The following DAP variants were observed in gnomAD, a reference collection of about 807,000 sequenced individuals.
DAP encodes the protein death-associated protein 1.
In DAP, 8 loss-of-function variants were observed where a neutral mutation model predicts 13.8. The observed-to-expected ratio is 0.58, with a 90% CI of 0.34 to 1.05. DAP has a LOEUF of 1.05. Ranked by LOEUF, DAP falls within the 50% of genes least tolerant of loss-of-function variation. DAP has a pLI of 0.03. For missense variants in DAP, 106 were observed against 133.2 expected (o/e 0.80, Z 1.01); for synonymous variants, 47 against 47.5 (o/e 0.99, Z 0.04).
intron 1 of DAP, among the ~76,000 whole-genome samples, chr5:10,757,512 G>A (rs748250615): frequency 1.1e-4 from 16 of 152,170 alleles, no homozygotes; most frequent in South Asian, 2.1e-4. Context: ...GAGCTCAGGT[G>A]CTCTCCCCAC....
chr5:10,731,445 T>C (rs956463717), intron 2 of DAP, among the ~76,000 whole-genome samples: 1 of 152,206 alleles, frequency 6.6e-6, no homozygotes, highest in Non-Finnish European at 1.5e-5. Flanking sequence ...TCCCGAGCCC[T>C]GTGTGAGGGT....
chr5:10,744,081 GTC>G lies in DAP; in HGVS notation c.152+4092_152+4093del, dbSNP rs1333599852. On this transcript the variant is annotated intron_variant, in intron 2 of 3. Transcript: ENST00000230895. The stretch of plus-strand genomic sequence containing the variant: ...CAGTAACATCTTTAATCTTCCACTT[GTC>G]CCTTTTCTCTGTAATCAGTACTTGA... 7.2e-4 allele frequency among the ~76,000 whole-genome samples: 109 copies of G among 152,032 alleles called. 1 individual carries two copies. Among genetic ancestry groups the G allele is most frequent in the Non-Finnish European group, 1.1e-3 (73 of 67,978 alleles).
At chr5:10,703,026 C>T (rs7713175) in intron 2 of DAP, among the ~76,000 whole-genome samples, 6 of 152,176 alleles carry the variant, frequency 3.9e-5, no homozygotes, top group African/African-American at 9.7e-5. Flanking sequence ...TTTCAACTTT[C>T]GTCTCCTTAC....
intron 2 of DAP, among the ~76,000 whole-genome samples, chr5:10,693,050 A>G (rs921246681): frequency 6.6e-6 from 1 of 152,162 alleles, no homozygotes; most frequent in East Asian, 1.9e-4. Flanking sequence ...TTCCTTCCCA[A>G]GCATCCTGGT....
rs1352342122 is a variant in DAP, at chr5:10,761,167, G to A, written c.-99C>T. 2.1e-5 allele frequency: 14 copies of A among 678,930 alleles called. No individual in the cohort carries two copies. The highest frequency in any genetic ancestry group is 2.6e-5 in the Non-Finnish European group (13 of 504,198). 42.1% of individuals were successfully genotyped at this position (678,930 alleles called of 1,614,324 possible). ...CAGGTGTGAGCGCCGGGGAGCGAGC[G>A]GGCGGGAGAACGACGCGCGCGCGTG... On this transcript the variant is annotated 5_prime_UTR_variant, in exon 1 of 4. Transcript: ENST00000230895.
chr5:10,719,831 T>C (rs896209935), intron 2 of DAP, among the ~76,000 whole-genome samples: 7 of 152,118 alleles, frequency 4.6e-5, no homozygotes, highest in Admixed American at 2.0e-4. Flanking sequence ...CTATGATCAG[T>C]TGGCAGAGGA....
At chr5:10,700,155 G>T (rs778833904) in intron 2 of DAP, among the ~76,000 whole-genome samples, 4 of 152,324 alleles carry the variant, frequency 2.6e-5, no homozygotes, top group Non-Finnish European at 5.9e-5. Flanking sequence ...CCACTAAGAC[G>T]TCAGAGGGGA....
rs144970178 is a variant in DAP at position 10,722,769 on chromosome 5, C to G, written c.152+25406G>C. On this transcript the variant is annotated intron_variant, in intron 2 of 3. Transcript: ENST00000230895. ...AAATGACAACATCTAAGTGACAACACTTCACCCACCAATAGCAACGCCCTT... is the reference window on the plus strand; with the variant it reads ...AAATGACAACATCTAAGTGACAACAGTTCACCCACCAATAGCAACGCCCTT... Among the ~76,000 whole-genome samples the G allele has an allele frequency of 3.4e-3, 510 of 152,150 alleles. 3 individuals carry two copies. The highest frequency in any genetic ancestry group is 0.011 in the African/African-American group (475 of 41,500).
At chr5:10,693,121 C>T (rs1738343169) in intron 2 of DAP, among the ~76,000 whole-genome samples, 1 of 41,434 alleles carries the variant, frequency 2.4e-5, no homozygotes, top group Admixed American at 3.1e-4. Context: ...GAAACATGCA[C>T]ACGCACACAC....
chr5:10,731,915 C>T (rs939313891), intron 2 of DAP, among the ~76,000 whole-genome samples: 3 of 152,194 alleles, frequency 2.0e-5, no homozygotes, highest in Non-Finnish European at 4.4e-5. Flanking sequence ...CTGGAAAAGC[C>T]CCAGGCACCC....
In DAP at chr5:10,737,419, C is replaced by T. The variant is rs185147927; in HGVS notation, c.152+10756G>A. On this transcript the variant is annotated intron_variant, in intron 2 of 3. Coordinates refer to ENST00000230895, the MANE Select transcript of DAP (RefSeq NM_004394.3). ...CTGGAGCTGAGAGCTGGCCGGTGCT[C>T]AGCATCCCTGGTCTACTGAAATCTC... 5.3e-5 allele frequency among the ~76,000 whole-genome samples: 8 copies of T among 152,042 alleles called. 1 individual carries two copies. In the East Asian group the frequency reaches 1.2e-3, roughly 22 times the overall value.
intron 2 of DAP, 84 bp from the exon 3 acceptor site, chr5:10,683,655 A>G: frequency 7.4e-7 from 1 of 1,359,184 alleles, no homozygotes; most frequent in Non-Finnish European, 1.1e-6. Flanking sequence ...TATGTGGATG[A>G]GCCAGGCTGG....
intron 2 of DAP, among the ~76,000 whole-genome samples, chr5:10,714,809 G>A (rs1444903343): frequency 6.6e-6 from 1 of 151,880 alleles, no homozygotes; most frequent in Non-Finnish European, 1.5e-5. Flanking sequence ...TTAAAAGTGT[G>A]TAATACTTCC....
In DAP at chr5:10,680,757, A is replaced by T. The variant is rs1157287273; in HGVS notation, c.*299T>A. On this transcript the variant is annotated 3_prime_UTR_variant, in exon 4 of 4. Coordinates refer to ENST00000230895, the MANE Select transcript of DAP (RefSeq NM_004394.3). ...AGACCATAGACAAGGACGTCAGGTG[A>T]CTGCTGAAATAGAACTAAAGCTAAA... The T allele has an allele frequency of 6.5e-7, 1 of 1,536,512 alleles. No individual in the cohort carries two copies. Among genetic ancestry groups the T allele is most frequent in the African/African-American group, 1.4e-5 (1 of 73,172 alleles).
chr5:10,690,357 T>C (rs1025140163), intron 2 of DAP, among the ~76,000 whole-genome samples: 2 of 152,246 alleles, frequency 1.3e-5, no homozygotes, highest in Non-Finnish European at 2.9e-5. Flanking sequence ...TTTTTAAGTA[T>C]ACAGTTCAGT....
At chr5:10,690,795 C>G (rs542143555) in intron 2 of DAP, among the ~76,000 whole-genome samples, 1 of 152,280 alleles carries the variant, frequency 6.6e-6, no homozygotes, top group Admixed American at 6.5e-5. Context: ...TTGTGTGTAA[C>G]TCAGAAGTGG....
At chr5:10,716,157 G>C (rs1244966315) in intron 2 of DAP, among the ~76,000 whole-genome samples, 1 of 152,090 alleles carries the variant, frequency 6.6e-6, no homozygotes, top group Non-Finnish European at 1.5e-5. Context: ...AACGTGACAG[G>C]GGACACAGAC....
rs146402054 is a variant in DAP, at chr5:10,680,097, G to A, written c.*959C>T. On this transcript the variant is annotated 3_prime_UTR_variant, in exon 4 of 4. Coordinates refer to ENST00000230895, the MANE Select transcript of DAP (RefSeq NM_004394.3). ...GTGCACACCAGGTGGGAGGCGTTTG[G>A]AACAGTTAGACTCATCAGTGGATAG... 6 of 152,854 alleles carry A rather than the reference G, an allele frequency of 3.9e-5. No homozygotes were observed. Among genetic ancestry groups the A allele is most frequent in the African/African-American group, 1.4e-4 (6 of 41,574 alleles). The allele number at this position is 152,854 out of a possible 1,614,324, so 9.5% of individuals were successfully genotyped here.
chr5:10,730,795 G>A (rs1339927150), intron 2 of DAP, among the ~76,000 whole-genome samples: 3 of 114,994 alleles, frequency 2.6e-5, no homozygotes, highest in Non-Finnish European at 5.2e-5. Context: ...CTTCTCTATT[G>A]AGAGCCCTGG....
Sources: gnomAD v4.1 joint callset for allele counts (sites outside exome capture counted in the v4.1 genomes callset) on GRCh38, gnomAD v4.1.1 for gene constraint, MANE v1.5 for transcripts, NCBI Gene and HGNC (gene_info 2026-07-23, HGNC 2026-07-21) for gene names.